Variants in F10 observed in about 807,000 individuals in gnomAD.
F10 encodes Stuart-Prower factor.
A neutral mutation model predicts 37.1 loss-of-function variants in F10; 29 were observed. The observed-to-expected ratio is 0.78, with a 90% CI of 0.58 to 1.07. The LOEUF (loss-of-function observed/expected upper bound fraction) is 1.07, where lower values mean the gene tolerates loss of function less well. Ranked by LOEUF, F10 falls within the 50% of genes least tolerant of loss-of-function variation. F10 has a pLI of 0.00. For synonymous variants in F10, 262 were observed against 268.6 expected (o/e 0.98, Z 0.24); for missense variants, 539 against 667.9 (o/e 0.81, Z 2.13).
Position 113,149,452 on chromosome 13 carries a change from ACCAGGGGCTTGCCCAAGGCCAAGAG to A in F10, c.1406_1430del (p.Arg469MetfsTer6). The stretch of plus-strand genomic sequence containing the variant: ...CAAGTGGATCGACAGGTCCATGAAA[ACCAGGGGCTTGCCCAAGGCCAAGAG>A]CCATGCCCCGGAGGTCATAACGTCC... On this transcript the variant is annotated frameshift_variant, in exon 8 of 8. Transcript: ENST00000375559. LOFTEE classifies it low-confidence loss of function (END_TRUNC). The surrounding 1 kb of genome is among the most constrained non-coding windows in gnomAD (Gnocchi z 7.5). The A allele has an allele frequency of 6.2e-7, 1 of 1,613,306 alleles. No individual in the cohort carries two copies. Among genetic ancestry groups the A allele is most frequent in the Non-Finnish European group, 8.5e-7 (1 of 1,179,966 alleles).
At position 113,137,894 on chromosome 13, in the gene F10, G is replaced by A. The variant is rs3211763; in HGVS notation, c.232-563G>A. Among the ~76,000 whole-genome samples, 349 of 152,258 alleles carry A rather than the reference G, an allele frequency of 2.3e-3. 2 individuals are homozygous for A. Among genetic ancestry groups the A allele is most frequent in the African/African-American group, 8.2e-3 (339 of 41,550 alleles). On this transcript the variant is annotated intron_variant, in intron 2 of 7. Transcript: ENST00000375559. The stretch of plus-strand genomic sequence containing the variant: ...GCTTAGTTAACATCTGCAAAGACCC[G>A]ATTTCCAATTAAGGTTCTATTCTGA...
At chr13:113,129,645 G>C (rs772877114) in intron 2 of F10, 33 bp downstream of exon 2, 22 of 1,613,346 alleles carry the variant, frequency 1.4e-5, no homozygotes, top group Non-Finnish European at 1.8e-5. Flanking sequence ...CTGTTGGTAA[G>C]GAGCTCAGGC....
At chr13:113,148,655 C>T (rs900607185) in intron 7 of F10, among the ~76,000 whole-genome samples, 2 of 152,048 alleles carry the variant, frequency 1.3e-5, no homozygotes, top group African/African-American at 2.4e-5. Context: ...CTGGCACAGA[C>T]GATGCACCCG....
At chr13:113,147,035 G>A (rs781616655) in intron 6 of F10, among the ~76,000 whole-genome samples, 12 of 152,218 alleles carry the variant, frequency 7.9e-5, no homozygotes, top group African/African-American at 1.2e-4. Context: ...ACAGACTGGC[G>A]TCTCCTGGTC....
rs1168969226 is a variant in F10, at chr13:113,149,425, C to G, written c.1375C>G (p.Leu459Val). ...GATCTACACCAAGGTCACCGCCTTC[C>G]TCAAGTGGATCGACAGGTCCATGAA... Reference protein sequence around the residue: ...YGIYTKVTAFLKWIDRSMKTR... With the variant: ...YGIYTKVTAFVKWIDRSMKTR... Residue 459 changes from leucine (L) to valine (V), a missense_variant, in exon 8 of 8, where the codon CTC (leucine) becomes GTC (valine). Transcript: ENST00000375559. The surrounding 1 kb of genome is among the most constrained non-coding windows in gnomAD (Gnocchi z 7.5). 4 of 1,613,386 alleles carry G rather than the reference C, an allele frequency of 2.5e-6. No homozygotes were observed. The highest frequency in any genetic ancestry group is 3.4e-6 in the Non-Finnish European group (4 of 1,179,890).
chr13:113,143,701 G>GGATA lies in F10; in HGVS notation c.503-150_503-149insGATA. On this transcript the variant is annotated intron_variant, in intron 5 of 7. Coordinates refer to ENST00000375559, the MANE Select transcript of F10 (RefSeq NM_000504.4). This position sits in a 1 kb window ranked among gnomAD's most constrained non-coding sequence, Gnocchi z 6.8. ...TGCAGATCCGACCCCTGCCGACGAC[G>GGATA]TGGGGCCTCGCCCTGCAAGCCCGCT... 26 of 1,157,456 alleles carry GGATA rather than the reference G, an allele frequency of 2.2e-5. No individual in the cohort carries two copies. The highest frequency in any genetic ancestry group is 2.2e-4 in the Admixed American group (9 of 41,148). The allele number at this position is 1,157,456 out of a possible 1,614,324, so 71.7% of individuals were successfully genotyped here.
In F10 at chr13:113,149,209, C is replaced by G; in HGVS notation, c.1159C>G (p.Arg387Gly). ...GATGCTGGAGGTGCCCTACGTGGAC[C>G]GCAACAGCTGCAAGCTGTCCAGCAG... ...LKMLEVPYVD[R>G]NSCKLSSSFI... The change falls in exon 8 of 8, where the codon CGC becomes GGC. Residue 387 changes from arginine (R) to glycine (G), a missense_variant. This residue lies in a region of F10 where 409 missense variants were observed against 547.9 expected (regional missense o/e 0.75). Transcript: ENST00000375559. This position sits in a 1 kb window ranked among gnomAD's most constrained non-coding sequence, Gnocchi z 7.5. 1 of 1,613,020 alleles carries G rather than the reference C, an allele frequency of 6.2e-7. No individual in the cohort carries two copies. Among genetic ancestry groups the G allele is most frequent in the South Asian group, 1.1e-5 (1 of 91,070 alleles).
In F10 at chr13:113,144,314, A is replaced by C. The variant is rs528711683; in HGVS notation, c.747+219A>C. The C allele has an allele frequency of 3.0e-4, 201 of 665,932 alleles. 2 individuals are homozygous for C. The African/African-American group carries it at 3.4e-3, about 11-fold the overall frequency. The allele number at this position is 665,932 out of a possible 1,614,324, so 41.3% of individuals were successfully genotyped here. On this transcript the variant is annotated intron_variant, in intron 6 of 7. Coordinates refer to ENST00000375559, the MANE Select transcript of F10 (RefSeq NM_000504.4). This position sits in a 1 kb window ranked among gnomAD's most constrained non-coding sequence, Gnocchi z 6.4. ...AGGGAAGTGGCCGGGGCTGAGGGAGAGGCTGGGCCCAGGCAACGCCCCCCT... is the reference window on the plus strand; with the variant it reads ...AGGGAAGTGGCCGGGGCTGAGGGAGCGGCTGGGCCCAGGCAACGCCCCCCT...
At chr13:113,124,128 G>A (rs2036347798) in intron 1 of F10, among the ~76,000 whole-genome samples, 1 of 150,822 alleles carries the variant, frequency 6.6e-6, no homozygotes, top group South Asian at 2.1e-4. Context: ...GGATCCTGAG[G>A]CCCTAAGCCC....
rs772338742 is a variant in F10, at chr13:113,122,860, G to T, written c.5G>T (p.Gly2Val). Reference protein sequence around the residue: MGRPLHLVLLSA... With the variant: MVRPLHLVLLSA... The stretch of plus-strand genomic sequence containing the variant: ...GACACAGTACTCGGCCACACCATGG[G>T]GCGCCCACTGCACCTCGTCCTGCTC... The change falls in exon 1 of 8, where the codon GGG (glycine) becomes GTG (valine). Residue 2 changes from glycine to valine, a missense_variant. This residue lies in a region of F10 where 130 missense variants were observed against 120.0 expected (regional missense o/e 1.08). Coordinates refer to ENST00000375559, the MANE Select transcript of F10 (RefSeq NM_000504.4). 1 of 1,610,370 alleles carries T rather than the reference G, an allele frequency of 6.2e-7. No individual in the cohort carries two copies. The highest frequency in any genetic ancestry group is 1.1e-5 in the South Asian group (1 of 91,082).
chr13:113,135,650 G>A (rs1413080999), intron 2 of F10, among the ~76,000 whole-genome samples: 3 of 152,096 alleles, frequency 2.0e-5, no homozygotes, highest in Non-Finnish European at 2.9e-5. Flanking sequence ...TATGTATGGG[G>A]GGCATGTTGA....
intron 2 of F10, chr13:113,132,198 T>A (rs1002524934): frequency 2.0e-5 from 3 of 152,222 alleles, no homozygotes; most frequent in Admixed American, 6.5e-5. Flanking sequence ...ACAGAAAAAA[T>A]TTAGAATTTT....
chr13:113,137,660 G>C (rs1037049230), intron 2 of F10, among the ~76,000 whole-genome samples: 1 of 152,148 alleles, frequency 6.6e-6, no homozygotes, highest in Admixed American at 6.5e-5. Context: ...CTCTGGGAGA[G>C]TCTCTGTCCC....
intron 2 of F10, chr13:113,131,082 C>T (rs2036429847): frequency 1.3e-5 from 2 of 152,212 alleles, no homozygotes; most frequent in Admixed American, 6.5e-5. Flanking sequence ...AAGATCACCA[C>T]ATATATGACA....
At position 113,141,382 on chromosome 13, in the gene F10, C is replaced by T. The variant is rs1269743333; in HGVS notation, c.502+332C>T. ...TGATGCCTGGCCCACCGCAGGCCCT[C>T]AGTCTGCATTGGGACTGTGGGGGGA... is the stretch of plus-strand genomic sequence containing the variant. On this transcript the variant is annotated intron_variant, in intron 5 of 7. Coordinates refer to ENST00000375559, the MANE Select transcript of F10 (RefSeq NM_000504.4). The surrounding 1 kb of genome is among the most constrained non-coding windows in gnomAD (Gnocchi z 5.4). Among the ~76,000 whole-genome samples the T allele has an allele frequency of 6.6e-6, 1 of 152,168 alleles. No homozygotes were observed. The highest frequency in any genetic ancestry group is 6.5e-5 in the Admixed American group (1 of 15,278).
rs986824124 is a variant in F10 at position 113,143,182 on chromosome 13, T to A, written c.503-669T>A. On this transcript the variant is annotated intron_variant, in intron 5 of 7. Transcript: ENST00000375559. The surrounding 1 kb of genome is among the most constrained non-coding windows in gnomAD (Gnocchi z 6.8). ...ATTCCCCCCTCCTCTCCTCTCCTGC[T>A]CCCCCACACCCCTGCCTTCCTCCAA... Among the ~76,000 whole-genome samples the A allele has an allele frequency of 3.7e-5, 5 of 134,744 alleles. No individual in the cohort carries two copies. The highest frequency in any genetic ancestry group is 1.4e-4 in the African/African-American group (5 of 35,150). The allele number at this position is 134,744 out of a possible 152,430, so 88.4% of individuals were successfully genotyped here.
chr13:113,127,017 T>C (rs1482376513), intron 1 of F10, among the ~76,000 whole-genome samples: 1 of 152,124 alleles, frequency 6.6e-6, no homozygotes, highest in East Asian at 1.9e-4. Context: ...TAAATCTAAG[T>C]CTAGCGTTGG....
At chr13:113,147,618 T>C (rs990286352) in intron 7 of F10, 122 bp downstream of exon 7, 17 of 724,842 alleles carry the variant, frequency 2.3e-5, no homozygotes, top group Admixed American at 3.8e-5. Context: ...ATCCTATTTG[T>C]AGGGGTTAGG....
Position 113,136,811 on chromosome 13 carries a change from CG to C in F10, c.232-1644del, listed in dbSNP as rs1442260378. On this transcript the variant is annotated intron_variant, in intron 2 of 7. Coordinates refer to ENST00000375559, the MANE Select transcript of F10 (RefSeq NM_000504.4). Reference sequence around the variant, plus strand: ...GACTACAGGCGCCCGCCACTACGCCCGGCTAATTTTTTGTATTTTTAGTAGA... The same window carrying C: ...GACTACAGGCGCCCGCCACTACGCCCGCTAATTTTTTGTATTTTTAGTAGA... Among the ~76,000 whole-genome samples the C allele has an allele frequency of 4.8e-5, 2 of 42,038 alleles. 1 individual carries two copies. Among genetic ancestry groups the C allele is most frequent in the African/African-American group, 1.1e-4 (2 of 17,684 alleles). 27.6% of individuals were successfully genotyped at this position (42,038 alleles called of 152,430 possible). A position where few individuals can be genotyped will look rare whatever the true frequency, so the allele number is the denominator to read the frequency against.
Sources: gnomAD v4.1 joint callset for allele counts (sites outside exome capture counted in the v4.1 genomes callset) on GRCh38, gnomAD v4.1.1 for gene constraint, gnomAD v4.1.1 regional missense constraint, Gnocchi (gnomAD v3.1) non-coding constraint, MANE v1.5 for transcripts, NCBI Gene and HGNC (gene_info 2026-07-23, HGNC 2026-07-21) for gene names.